The following SH3GL2 variants were observed in gnomAD, a reference collection of about 807,000 sequenced individuals.
SH3GL2 encodes endophilin-A1.
A neutral mutation model predicts 46.0 loss-of-function variants in SH3GL2; 24 were observed. That is an observed-to-expected ratio of 0.52 (90% confidence interval 0.38 to 0.73). SH3GL2 has a LOEUF of 0.73. Among genes scored for constraint, SH3GL2 ranks in the 30% least tolerant of loss-of-function variants. The pLI, the probability that SH3GL2 is intolerant of heterozygous loss-of-function variation, is 0.00. For synonymous variants in SH3GL2, 196 were observed against 147.1 expected, an observed-to-expected ratio of 1.33 and a Z score of -2.40; for missense variants, 413 against 424.2, an observed-to-expected ratio of 0.97 and a Z score of 0.23.
At chr9:17,582,725 C>A (rs1053835737) in intron 1 of SH3GL2, among the ~76,000 whole-genome samples, 2 of 152,234 alleles carry the variant, frequency 1.3e-5, no homozygotes, top group Admixed American at 6.5e-5. Flanking sequence ...CTTCTTGAGA[C>A]AAGCACACTT....
Position 17,761,451 on chromosome 9 carries a change from C to G in SH3GL2, c.129C>G (p.Thr43=), listed in dbSNP as rs776791275. 1.9e-6 allele frequency: 3 copies of G among 1,605,440 alleles called. No homozygotes were observed. In the South Asian group the frequency reaches 3.3e-5, roughly 18 times the overall value. ...FKEMERKVDV[T]SRAVMEIMTK... is the part of the protein sequence containing the mutation. ...TCTCATTTCAGAAAGTGGATGTCAC[C>G]AGCAGGGCTGTGATGGAAATAATGA... The change falls in exon 3 of 9, where the codon ACC becomes ACG. Residue 43 remains threonine (T), a synonymous_variant. Coordinates refer to ENST00000380607, the MANE Select transcript of SH3GL2 (RefSeq NM_003026.5).
At chr9:17,580,999 T>G (rs1231828776) in intron 1 of SH3GL2, among the ~76,000 whole-genome samples, 1 of 152,216 alleles carries the variant, frequency 6.6e-6, no homozygotes, top group Non-Finnish European at 1.5e-5. Flanking sequence ...CTTCTGAACC[T>G]GTCCATGCTG....
intron 2 of SH3GL2, among the ~76,000 whole-genome samples, chr9:17,751,076 C>G (rs1822826743): frequency 6.6e-6 from 1 of 152,142 alleles, no homozygotes; most frequent in Non-Finnish European, 1.5e-5. Flanking sequence ...ATCTGTTTTG[C>G]AGCCTGAAAA....
In SH3GL2 at chr9:17,725,563, C is replaced by T. The variant is rs1654593243; in HGVS notation, c.46-21503C>T. On this transcript the variant is annotated intron_variant, in intron 1 of 8. Transcript: ENST00000380607. Reference sequence around the variant, plus strand: ...GAGCTCCCTCTGTCCTCAGGGCATGCCATTTCTCCTGCACAGAATCTCTGT... The same window carrying T: ...GAGCTCCCTCTGTCCTCAGGGCATGTCATTTCTCCTGCACAGAATCTCTGT... 3.9e-5 allele frequency among the ~76,000 whole-genome samples: 6 copies of T among 152,126 alleles called. 1 individual carries two copies. The South Asian group carries it at 1.2e-3, about 32-fold the overall frequency.
At chr9:17,600,382 G>T (rs1818648383) in intron 1 of SH3GL2, among the ~76,000 whole-genome samples, 1 of 152,202 alleles carries the variant, frequency 6.6e-6, no homozygotes, top group African/African-American at 2.4e-5. Flanking sequence ...TAATGTCGAA[G>T]GGAGAATTTC....
At chr9:17,687,923 C>T (rs993167661) in intron 1 of SH3GL2, among the ~76,000 whole-genome samples, 2 of 152,022 alleles carry the variant, frequency 1.3e-5, no homozygotes, top group African/African-American at 4.8e-5. Context: ...TGTTATGTAA[C>T]AAAATTCATT....
chr9:17,682,290 C>G (rs541813459), intron 1 of SH3GL2, among the ~76,000 whole-genome samples: 1 of 152,038 alleles, frequency 6.6e-6, no homozygotes, highest in Non-Finnish European at 1.5e-5. Context: ...TTTTCAATAG[C>G]AAAGTCATGG....
chr9:17,667,195 ATTC>A (rs1246803877), intron 1 of SH3GL2, among the ~76,000 whole-genome samples: 2 of 152,084 alleles, frequency 1.3e-5, no homozygotes, highest in African/African-American at 4.8e-5. Flanking sequence ...CTTGTCGTGT[ATTC>A]TTTTTTGATT....
chr9:17,687,566 C>T (rs1820954035), intron 1 of SH3GL2, among the ~76,000 whole-genome samples: 3 of 152,124 alleles, frequency 2.0e-5, no homozygotes, highest in South Asian at 4.2e-4. Context: ...AAAGCATGTT[C>T]TTCATAGTAT....
intron 1 of SH3GL2, among the ~76,000 whole-genome samples, chr9:17,649,778 C>G (rs1011111311): frequency 3.3e-5 from 5 of 152,094 alleles, no homozygotes; most frequent in Non-Finnish European, 5.9e-5. Context: ...TTCTGAGAAG[C>G]CTAAGTAGTT....
At chr9:17,748,298 C>T (rs2131132703) in intron 2 of SH3GL2, among the ~76,000 whole-genome samples, 1 of 152,210 alleles carries the variant, frequency 6.6e-6, no homozygotes, top group East Asian at 1.9e-4. Flanking sequence ...AGTAGCAATC[C>T]TGTACTTGAA....
chr9:17,647,337 A>T (rs1252824357), intron 1 of SH3GL2, among the ~76,000 whole-genome samples: 2 of 152,220 alleles, frequency 1.3e-5, no homozygotes, highest in Non-Finnish European at 2.9e-5. Context: ...TGTTTGTCAG[A>T]TGCTATGCTA....
At chr9:17,678,718 C>G (rs975483268) in intron 1 of SH3GL2, among the ~76,000 whole-genome samples, 15 of 152,180 alleles carry the variant, frequency 9.9e-5, no homozygotes, top group African/African-American at 3.6e-4. Context: ...TGCCCATGTC[C>G]TGAATGGTAA....
chr9:17,580,147 C>T (rs1342173637), intron 1 of SH3GL2, among the ~76,000 whole-genome samples: 3 of 152,182 alleles, frequency 2.0e-5, no homozygotes, highest in Non-Finnish European at 1.5e-5. Flanking sequence ...AATACTTACG[C>T]TGTGACCTAT....
intron 1 of SH3GL2, among the ~76,000 whole-genome samples, chr9:17,625,338 T>C (rs1053167714): frequency 6.6e-6 from 1 of 152,212 alleles, no homozygotes; most frequent in African/African-American, 2.4e-5. Context: ...TATTGCTGTG[T>C]GGAATGAGCA....
intron 1 of SH3GL2, among the ~76,000 whole-genome samples, chr9:17,696,606 G>A (rs965987911): frequency 5.3e-5 from 8 of 152,204 alleles, no homozygotes; most frequent in Admixed American, 5.2e-4. Context: ...AGCAAAGGGG[G>A]AAAAGCCCCT....
intron 1 of SH3GL2, among the ~76,000 whole-genome samples, chr9:17,671,263 G>T (rs1820467480): frequency 6.6e-6 from 1 of 151,834 alleles, no homozygotes; most frequent in African/African-American, 2.4e-5. Context: ...AACTACATTT[G>T]CTAGGCAGTG....
intron 1 of SH3GL2, among the ~76,000 whole-genome samples, chr9:17,725,435 T>G (rs746348791): frequency 1.3e-5 from 2 of 152,134 alleles, no homozygotes; most frequent in Non-Finnish European, 2.9e-5. Flanking sequence ...CATAACTGTG[T>G]GCCACCAAAA....
intron 1 of SH3GL2, among the ~76,000 whole-genome samples, chr9:17,584,138 G>A (rs1818326589): frequency 2.0e-5 from 3 of 152,228 alleles, no homozygotes; most frequent in African/African-American, 7.2e-5. Context: ...TTTTCTGAGG[G>A]AGAATGCCCT....
Sources: gnomAD v4.1 joint callset for allele counts (sites outside exome capture counted in the v4.1 genomes callset) on GRCh38, gnomAD v4.1.1 for gene constraint, MANE v1.5 for transcripts, NCBI Gene and HGNC (gene_info 2026-07-23, HGNC 2026-07-21) for gene names.